MIA2: variants seen among roughly 807,000 people sequenced by gnomAD.
MIA2 encodes melanoma inhibitory activity protein 2.
Under a neutral mutation model 167.8 loss-of-function variants are expected in MIA2, and 127 were observed. That is an observed-to-expected ratio of 0.76 (90% CI 0.66 to 0.88). MIA2 has a LOEUF of 0.88. Among genes scored for constraint, MIA2 ranks in the 40% least tolerant of loss-of-function variants. The pLI, the probability that MIA2 is intolerant of heterozygous loss-of-function variation, is 0.00. For synonymous variants in MIA2, 552 were observed against 541.9 expected (o/e 1.02, Z -0.26); for missense variants, 1,690 against 1,624.7 (o/e 1.04, Z -0.69).
At chr14:39,313,595 C>A (rs2064759067) in intron 19 of MIA2, among the ~76,000 whole-genome samples, 154 bp downstream of exon 19, 1 of 152,070 alleles carries the variant, frequency 6.6e-6, no homozygotes, top group African/African-American at 2.4e-5. Context: ...TGTCTCATCA[C>A]TTTTCATTCA....
chr14:39,286,865 CTGTGTGTGTGTG>C lies in MIA2; in HGVS notation c.2131-4132_2131-4121del, dbSNP rs34075444. ...TGCACTACTGTGCCTGGCTATTTTTCTGTGTGTGTGTGTGTGTGTGTGTGTGTGTGTGTATTT... is the reference window on the plus strand; with the variant it reads ...TGCACTACTGTGCCTGGCTATTTTTCTGTGTGTGTGTGTGTGTGTGTATTT... On this transcript the variant is annotated intron_variant, in intron 9 of 28. Transcript: ENST00000640607. Among the ~76,000 whole-genome samples, 3 of 142,176 alleles carry C rather than the reference CTGTGTGTGTGTG, an allele frequency of 2.1e-5. No individual in the cohort carries two copies. The East Asian group carries it at 7.0e-4, about 33-fold the overall frequency. The allele number at this position is 142,176 out of a possible 152,430, so 93.3% of individuals were successfully genotyped here. A position where few individuals can be genotyped will look rare whatever the true frequency, so the allele number is the denominator to read the frequency against.
chr14:39,290,475 C>A (rs900822810), intron 9 of MIA2, among the ~76,000 whole-genome samples: 1 of 151,946 alleles, frequency 6.6e-6, no homozygotes, highest in Non-Finnish European at 1.5e-5. Context: ...TTTTATTGTT[C>A]ATTTTTTGAT....
intron 24 of MIA2, among the ~76,000 whole-genome samples, chr14:39,324,178 C>T (rs562561888): frequency 2.0e-5 from 3 of 152,266 alleles, no homozygotes; most frequent in Admixed American, 2.0e-4. Flanking sequence ...ACTGGGTAGT[C>T]AGTTGGCCTG....
Position 39,247,959 on chromosome 14 carries a change from A to G in MIA2, c.1385A>G (p.Tyr462Cys), listed in dbSNP as rs140072290. The change falls in exon 4 of 29, where the codon TAT becomes TGT. Residue 462 changes from tyrosine (Y) to cysteine (C), a missense_variant. Tyr to Cys is a radical substitution (Grantham distance 194). Coordinates refer to ENST00000640607, the MANE Select transcript of MIA2 (RefSeq NM_001329214.4). ...DTIPYLKKFLYNFDNPWNFQN... is the reference protein window; with the variant it reads ...DTIPYLKKFLCNFDNPWNFQN... ...ATACCATATTTGAAAAAGTTCTTGT[A>G]TAATTTTGACAACCCTTGGAACTTC... The G allele has an allele frequency of 2.1e-5, 33 of 1,597,710 alleles. No homozygotes were observed. The African/African-American group carries it at 3.5e-4, about 17-fold the overall frequency.
rs536786922 is a variant in MIA2 at position 39,313,413 on chromosome 14, C to T, written c.3091C>T (p.His1031Tyr). Residue 1031 changes from histidine (H) to tyrosine (Y), a missense_variant, in exon 19 of 29, where the codon CAT becomes TAT. By Grantham distance (83) the His-to-Tyr change is moderately conservative (BLOSUM62 2). Transcript: ENST00000640607. ...KLSKVDEKIS[H>Y]ATEELETYRK... ...TTCTAAAGTAGATGAAAAGATCAGCCATGCCACTGAAGAGCTGGAGACCTA... is the reference window on the plus strand; with the variant it reads ...TTCTAAAGTAGATGAAAAGATCAGCTATGCCACTGAAGAGCTGGAGACCTA... The T allele has an allele frequency of 5.6e-6, 9 of 1,602,450 alleles. No homozygotes were observed. The African/African-American group carries it at 1.2e-4, about 22-fold the overall frequency.
chr14:39,265,339 T>C (rs1269372070), intron 6 of MIA2: 27 of 1,312,910 alleles, frequency 2.1e-5, no homozygotes, highest in Non-Finnish European at 2.9e-5. Flanking sequence ...GGATATGAGG[T>C]GCCTGGTAGA....
chr14:39,344,495 C>T (rs2072758369), intron 25 of MIA2, among the ~76,000 whole-genome samples: 1 of 152,170 alleles, frequency 6.6e-6, no homozygotes, highest in South Asian at 2.1e-4. Context: ...TTGTATCTTT[C>T]TCTCCTCAGT....
At chr14:39,237,984 C>T (rs2053838280) in intron 2 of MIA2, among the ~76,000 whole-genome samples, 1 of 152,120 alleles carries the variant, frequency 6.6e-6, no homozygotes, top group African/African-American at 2.4e-5. Flanking sequence ...AGGTGATCCA[C>T]CCGCCTTGGC....
At chr14:39,308,016 A>T (rs1311619964) in intron 17 of MIA2, among the ~76,000 whole-genome samples, 1 of 152,210 alleles carries the variant, frequency 6.6e-6, no homozygotes, top group Non-Finnish European at 1.5e-5. Flanking sequence ...AACAATTTCT[A>T]ATGTTCTATA....
intron 23 of MIA2, chr14:39,386,465 C>T: frequency 6.5e-7 from 1 of 1,534,030 alleles, no homozygotes; most frequent in African/African-American, 1.4e-5. Flanking sequence ...CTGATTGGCC[C>T]AGTCTTTTAC....
At chr14:39,286,696 CTT>C (rs35159773) in intron 9 of MIA2, among the ~76,000 whole-genome samples, 11 of 142,656 alleles carry the variant, frequency 7.7e-5, no homozygotes, top group Non-Finnish European at 1.1e-4. Flanking sequence ...TTCCTTCTTA[CTT>C]TTTTTTTTTT....
intron 25 of MIA2, among the ~76,000 whole-genome samples, chr14:39,342,969 A>G (rs993086367): frequency 5.3e-5 from 8 of 152,176 alleles, no homozygotes; most frequent in African/African-American, 1.7e-4. Context: ...ATTTCAGTGT[A>G]TAAGAAACCA....
rs762697581 is a variant in MIA2 at position 39,350,298 on chromosome 14, C to A, written c.*34C>A. 4 of 1,032,922 alleles carry A rather than the reference C, an allele frequency of 3.9e-6. No individual in the cohort carries two copies. In the Admixed American group the frequency reaches 8.7e-5, roughly 22 times the overall value. The allele number at this position is 1,032,922 out of a possible 1,614,324, so 64.0% of individuals were successfully genotyped here. ...TTGCTCTCTTCAAAAGTAATTTTGACTGATCTCATTTTCAGTTTAAGTAAC... is the reference window on the plus strand; with the variant it reads ...TTGCTCTCTTCAAAAGTAATTTTGAATGATCTCATTTTCAGTTTAAGTAAC... On this transcript the variant is annotated 3_prime_UTR_variant, in exon 29 of 29. Transcript: ENST00000640607.
intron 4 of MIA2, among the ~76,000 whole-genome samples, chr14:39,248,443 AT>A (rs201847458): frequency 0.034 from 4,993 of 146,142 alleles, 242 homozygotes; most frequent in African/African-American, 0.096. Context: ...GTGCTAAGGC[AT>A]TTTTTTTTTT....
intron 16 of MIA2, among the ~76,000 whole-genome samples, 168 bp downstream of exon 16, chr14:39,303,692 T>G (rs575258825): frequency 5.3e-4 from 80 of 152,220 alleles, no homozygotes; most frequent in Middle Eastern, 3.4e-3. Context: ...ATTATTAACT[T>G]TAGAAATTTA....
rs72114250 is a variant in MIA2 at position 39,250,709 on chromosome 14, C to CATATAT, written c.1568-2020_1568-2015dup. Among the ~76,000 whole-genome samples, 1,107 of 143,560 alleles carry CATATAT rather than the reference C, an allele frequency of 7.7e-3. 9 individuals carry two copies. Among genetic ancestry groups the CATATAT allele is most frequent in the Non-Finnish European group, 0.012 (783 of 65,918 alleles). The allele number at this position is 143,560 out of a possible 152,430, so 94.2% of individuals were successfully genotyped here. ...AGACTCAGTCTCAAAAAAAAATATG[C>CATATAT]ATATATATATATATATATATATATT... On this transcript the variant is annotated intron_variant, in intron 4 of 28. Transcript: ENST00000640607.
intron 6 of MIA2, among the ~76,000 whole-genome samples, chr14:39,265,004 A>C (rs567608837): frequency 6.6e-6 from 1 of 152,032 alleles, no homozygotes; most frequent in Non-Finnish European, 1.5e-5. Context: ...TAAATGATAG[A>C]GATCATGTAC....
At chr14:39,253,628 C>A in intron 6 of MIA2, 1 of 134,986 alleles carries the variant, frequency 7.4e-6, no homozygotes, top group Non-Finnish European at 1.5e-5. Flanking sequence ...ATAGCTAGAC[C>A]TTATCTCTTA....
At chr14:39,245,881 A>G (rs2054279543) in intron 3 of MIA2, among the ~76,000 whole-genome samples, 1 of 152,114 alleles carries the variant, frequency 6.6e-6, no homozygotes, top group African/African-American at 2.4e-5. Context: ...TTAAGTTTCC[A>G]ATATATGGTT....
Sources: allele counts gnomAD v4.1 joint callset (sites outside exome capture counted in the v4.1 genomes callset), GRCh38; gene constraint gnomAD v4.1.1; transcripts MANE v1.5; gene names NCBI Gene and HGNC (gene_info 2026-07-23, HGNC 2026-07-21).